NEO1: variants seen among roughly 807,000 people sequenced by gnomAD.
The protein encoded by NEO1 is neogenin.
A neutral mutation model predicts 159.7 loss-of-function variants in NEO1; 63 were observed. The ratio of observed to expected loss-of-function variants is 0.39; its 90% CI spans 0.32 to 0.49. NEO1 has a LOEUF of 0.49. Among genes scored for constraint, NEO1 ranks in the 20% least tolerant of loss-of-function variants. The probability of loss-of-function intolerance (pLI) is 0.85; values close to 1 mark genes in which losing one functional copy is unlikely to be tolerated. For missense variants in NEO1, 1,615 were observed against 1,831.0 expected (o/e 0.88, Z 2.15); for synonymous variants, 633 against 662.0 (o/e 0.96, Z 0.67).
rs767964345 is a variant in NEO1 at position 73,270,197 on chromosome 15, A to T, written c.2682A>T (p.Arg894=). 1 of 1,614,220 alleles carries T rather than the reference A, an allele frequency of 6.2e-7. No homozygotes were observed. Among genetic ancestry groups the T allele is most frequent in the Non-Finnish European group, 8.5e-7 (1 of 1,180,032 alleles). ...KITDSRYYTV[R]WKTNIPANTK... is the part of the protein sequence containing the mutation. ...CAGACTCCCGATACTACACCGTCCGATGGAAAACCAACATCCCAGCAAACA... is the reference window on the plus strand; with the variant it reads ...CAGACTCCCGATACTACACCGTCCGTTGGAAAACCAACATCCCAGCAAACA... Residue 894 remains arginine (R), a synonymous_variant, in exon 17 of 29, where the codon CGA becomes CGT. Transcript: ENST00000261908.
chr15:73,288,252 C>T (rs184259952), intron 23 of NEO1, 61 bp from the exon 24 acceptor site: 293 of 1,518,064 alleles, frequency 1.9e-4, no homozygotes, highest in Admixed American at 1.4e-3. Context: ...TCACTCAAGC[C>T]TTTTGACAAA....
intron 1 of NEO1, among the ~76,000 whole-genome samples, chr15:73,115,257 G>T (rs1268091691): frequency 6.6e-6 from 1 of 152,152 alleles, no homozygotes; most frequent in Non-Finnish European, 1.5e-5. Context: ...TGGCCAGGCT[G>T]GTCTCGAACT....
chr15:73,174,959 C>T (rs1012091268), intron 5 of NEO1, among the ~76,000 whole-genome samples: 1 of 152,110 alleles, frequency 6.6e-6, no homozygotes, highest in Non-Finnish European at 1.5e-5. Flanking sequence ...TACATGATTT[C>T]CCTCCTTGGG....
intron 7 of NEO1, among the ~76,000 whole-genome samples, chr15:73,180,522 C>T (rs956643964): frequency 6.6e-6 from 1 of 152,090 alleles, no homozygotes; most frequent in Non-Finnish European, 1.5e-5. Context: ...TTACTTGTGG[C>T]AGTGACTTTT....
intron 7 of NEO1, among the ~76,000 whole-genome samples, chr15:73,225,583 C>T (rs1274538490): frequency 6.6e-6 from 1 of 152,018 alleles, no homozygotes; most frequent in Non-Finnish European, 1.5e-5. Context: ...GGTGGAAAGC[C>T]GCAGTCACAG....
chr15:73,234,219 G>A (rs922246598), intron 7 of NEO1, among the ~76,000 whole-genome samples: 1 of 152,116 alleles, frequency 6.6e-6, no homozygotes, highest in Non-Finnish European at 1.5e-5. Flanking sequence ...CCCAATAAGG[G>A]TTTTTAATGA....
In NEO1 at chr15:73,260,347, T is replaced by C. The variant is rs150357731; in HGVS notation, c.2280T>C (p.Pro760=). 6 of 1,613,932 alleles carry C rather than the reference T, an allele frequency of 3.7e-6. No individual in the cohort carries two copies. In the African/African-American group the frequency reaches 5.3e-5, roughly 14 times the overall value. The change falls in exon 15 of 29, where the codon CCT becomes CCC. Residue 760 remains proline (P), a synonymous_variant. Transcript: ENST00000261908. ...CTAGCATCGTAGTGAGCTGGACTCCTCCAGAGAATCAGAACATTGTGGTCA... is the reference window on the plus strand; with the variant it reads ...CTAGCATCGTAGTGAGCTGGACTCCCCCAGAGAATCAGAACATTGTGGTCA... ...LVTSIVVSWT[P]PENQNIVVRG...
intron 7 of NEO1, among the ~76,000 whole-genome samples, chr15:73,219,133 C>T (rs1392888255): frequency 1.3e-5 from 2 of 151,546 alleles, no homozygotes; most frequent in East Asian, 1.9e-4. Flanking sequence ...TCTTTGTTCT[C>T]GTTGGTTTCA....
chr15:73,052,641 T>C lies in NEO1; in HGVS notation c.-35T>C. On this transcript the variant is annotated 5_prime_UTR_variant, in exon 1 of 29. Transcript: ENST00000261908. ...GAAGGAGGCAAGGGCTCCGCGGCGC[T>C]GTCGCCGCCGCTGCCGCTCACTCTC... 1.6e-6 allele frequency: 2 copies of C among 1,214,700 alleles called. No homozygotes were observed. Among genetic ancestry groups the C allele is most frequent in the East Asian group, 4.0e-5 (1 of 24,748 alleles). 75.2% of individuals were successfully genotyped at this position (1,214,700 alleles called of 1,614,324 possible). A position where few individuals can be genotyped will look rare whatever the true frequency, so the allele number is the denominator to read the frequency against.
In NEO1 at chr15:73,176,641, T is replaced by C. The variant is rs1000931441; in HGVS notation, c.1170+84T>C. ...AGTCACCGAGAGATCAGTTATCTTA[T>C]ATATACTAGTTTGTGTACTGCAAAT... On this transcript the variant is annotated intron_variant, in intron 6 of 28. Transcript: ENST00000261908. 1.1e-5 allele frequency: 11 copies of C among 1,027,120 alleles called. No homozygotes were observed. The East Asian group carries it at 1.3e-4, about 13-fold the overall frequency. The allele number at this position is 1,027,120 out of a possible 1,614,324, so 63.6% of individuals were successfully genotyped here.
At chr15:73,082,076 A>G (rs542929380) in intron 1 of NEO1, among the ~76,000 whole-genome samples, 3 of 152,062 alleles carry the variant, frequency 2.0e-5, no homozygotes, top group East Asian at 3.9e-4. Context: ...GTTTTGCCAC[A>G]TTGGCCGGAC....
At chr15:73,248,016 C>T (rs2150929376) in intron 9 of NEO1, among the ~76,000 whole-genome samples, 1 of 152,226 alleles carries the variant, frequency 6.6e-6, no homozygotes, top group South Asian at 2.1e-4. Flanking sequence ...ACTCCTGGGT[C>T]CACCGCTAGC....
chr15:73,102,021 T>C lies in NEO1; in HGVS notation c.131-14519T>C, dbSNP rs142950970. Among the ~76,000 whole-genome samples, 269 of 152,340 alleles carry C rather than the reference T, an allele frequency of 1.8e-3. 1 individual carries two copies. Among genetic ancestry groups the C allele is most frequent in the African/African-American group, 6.3e-3 (262 of 41,578 alleles). ...GACTGATAGCATCTTTGTCATCTAA[T>C]AACTCATTAGAAATGTAACATCTCA... On this transcript the variant is annotated intron_variant, in intron 1 of 28. Transcript: ENST00000261908.
chr15:73,075,423 C>T (rs189120272), intron 1 of NEO1, among the ~76,000 whole-genome samples: 1 of 152,028 alleles, frequency 6.6e-6, no homozygotes, highest in African/African-American at 2.4e-5. Context: ...TGTCTCAAAG[C>T]AGTATATGAT....
chr15:73,214,279 A>T (rs1024956212), intron 7 of NEO1, among the ~76,000 whole-genome samples: 8 of 152,166 alleles, frequency 5.3e-5, no homozygotes, highest in Non-Finnish European at 8.8e-5. Context: ...TAGTTTAATT[A>T]AGTCCCAACT....
intron 7 of NEO1, among the ~76,000 whole-genome samples, chr15:73,186,147 G>A (rs1228502990): frequency 6.7e-6 from 1 of 149,296 alleles, no homozygotes; most frequent in Non-Finnish European, 1.5e-5. Flanking sequence ...ACAAAGATAA[G>A]AATTGCAGCA....
chr15:73,297,440 G>A (rs1303889027), intron 26 of NEO1, among the ~76,000 whole-genome samples: 2 of 152,190 alleles, frequency 1.3e-5, no homozygotes, highest in South Asian at 2.1e-4. Flanking sequence ...TTCAAGCACC[G>A]TGTTCAGCAC....
Position 73,260,433 on chromosome 15 carries a change from A to G in NEO1, c.2366A>G (p.Tyr789Cys), listed in dbSNP as rs762743161. ...SPHAQTIKVD[Y>C]KQRYYTIENL... Reference sequence around the variant, plus strand: ...CATGCCCAGACCATCAAAGTGGACTATAAACAGCGCTATTACACCATTGAA... The same window carrying G: ...CATGCCCAGACCATCAAAGTGGACTGTAAACAGCGCTATTACACCATTGAA... Residue 789 changes from tyrosine (Y) to cysteine (C), a missense_variant, in exon 15 of 29, where the codon TAT (tyrosine) becomes TGT (cysteine). By Grantham distance (194) the Tyr-to-Cys change is radical. Around this residue, in one of 3 missense-constraint regions of NEO1, gnomAD observed 1,018 missense variants for 1,115.4 expected, o/e 0.91. Coordinates refer to ENST00000261908, the MANE Select transcript of NEO1 (RefSeq NM_002499.4). The G allele has an allele frequency of 5.0e-6, 8 of 1,613,662 alleles. No individual in the cohort carries two copies. In the Admixed American group the frequency reaches 1.2e-4, roughly 24 times the overall value.
At chr15:73,204,794 G>T (rs2037118261) in intron 7 of NEO1, among the ~76,000 whole-genome samples, 1 of 152,004 alleles carries the variant, frequency 6.6e-6, no homozygotes, top group African/African-American at 2.4e-5. Context: ...GGTTTTTCTT[G>T]TTTGGGGCAT....
Sources: allele counts gnomAD v4.1 joint callset (sites outside exome capture counted in the v4.1 genomes callset), GRCh38; gene constraint gnomAD v4.1.1; regional missense constraint gnomAD v4.1.1; transcripts MANE v1.5; gene names NCBI Gene and HGNC (gene_info 2026-07-23, HGNC 2026-07-21).